TRPM6: variants seen among roughly 807,000 people sequenced by gnomAD.
TRPM6 encodes the protein transient receptor potential cation channel subfamily M member 6, also known as channel kinase 2.
TRPM6 carries 111 observed loss-of-function variants against 247.6 expected under a neutral mutation model. The ratio of observed to expected loss-of-function variants is 0.45; its 90% confidence interval spans 0.38 to 0.52. TRPM6 has a LOEUF of 0.52. Among genes scored for constraint, TRPM6 ranks in the 20% least tolerant of loss-of-function variants. The pLI is 0.00. For missense variants in TRPM6, 2,126 were observed against 2,421.5 expected, an observed-to-expected ratio of 0.88 and a Z score of 2.56; for synonymous variants, 892 against 853.8, an observed-to-expected ratio of 1.04 and a Z score of -0.78.
chr9:74,792,623 C>T lies in TRPM6; in HGVS notation c.2538+1G>A. The T allele has an allele frequency of 6.2e-7, 1 of 1,613,938 alleles. No individual in the cohort carries two copies. The highest frequency in any genetic ancestry group is 8.5e-7 in the Non-Finnish European group (1 of 1,179,894). On this transcript the variant is annotated splice_donor_variant, in intron 19 of 38. Transcript: ENST00000360774. LOFTEE classifies it high-confidence loss of function. ...ACATATATTGTTGCAATGAGACCAA[C>T]CGTATAAAACCAAAACTTGACAATT...
At chr9:74,736,331 G>C (rs1200851732) in intron 36 of TRPM6, among the ~76,000 whole-genome samples, 3 of 152,060 alleles carry the variant, frequency 2.0e-5, no homozygotes, top group Non-Finnish European at 4.4e-5. Flanking sequence ...AACTGCTGCT[G>C]GTGAGCCTCT....
chr9:74,743,451 A>G (rs1825928246), intron 32 of TRPM6, among the ~76,000 whole-genome samples: 1 of 152,216 alleles, frequency 6.6e-6, no homozygotes, highest in Non-Finnish European at 1.5e-5. Flanking sequence ...GAAACCATCC[A>G]ATGGCACAAG....
intron 16 of TRPM6, 49 bp downstream of exon 16, chr9:74,801,849 A>C (rs1291104488): frequency 6.2e-7 from 1 of 1,605,706 alleles, no homozygotes; most frequent in South Asian, 1.1e-5. Flanking sequence ...GTGTCTAACC[A>C]TTCTAAGAAG....
intron 23 of TRPM6, among the ~76,000 whole-genome samples, chr9:74,778,989 G>A (rs1827323593): frequency 6.6e-6 from 1 of 152,166 alleles, no homozygotes; most frequent in African/African-American, 2.4e-5. Flanking sequence ...TTACCTTCCT[G>A]GGGCTAAGAT....
At chr9:74,807,852 G>A (rs978757315) in intron 14 of TRPM6, among the ~76,000 whole-genome samples, 182 bp downstream of exon 14, 4 of 152,004 alleles carry the variant, frequency 2.6e-5, no homozygotes, top group Admixed American at 1.3e-4. Flanking sequence ...TGATCCTTAC[G>A]CATCCCAAGC....
chr9:74,850,371 C>G (rs1337586799), intron 3 of TRPM6, among the ~76,000 whole-genome samples: 1 of 148,280 alleles, frequency 6.7e-6, no homozygotes, highest in Non-Finnish European at 1.5e-5. Context: ...GACTCTGTCT[C>G]AAAAAAAAAG....
At position 74,762,024 on chromosome 9, in the gene TRPM6, T is replaced by C. The variant is rs756450351; in HGVS notation, c.4647A>G (p.Lys1549=). ...SHSFRFHKEE[K]LMKICKIKNL... ...TTTTAATCTTACAGATCTTCATCAA[T>C]TTCTCCTCCTTATGGAATCTAAAAC... The change falls in exon 26 of 39, where the codon AAA becomes AAG. Residue 1549 remains lysine, a synonymous_variant. Coordinates refer to ENST00000360774, the MANE Select transcript of TRPM6 (RefSeq NM_017662.5). 1.9e-6 allele frequency: 3 copies of C among 1,614,166 alleles called. No individual in the cohort carries two copies. The highest frequency in any genetic ancestry group is 1.7e-6 in the Non-Finnish European group (2 of 1,180,006).
chr9:74,806,013 T>C (rs28533485), intron 14 of TRPM6, among the ~76,000 whole-genome samples: 41,364 of 152,056 alleles, frequency 0.27, 6,032 homozygotes, highest in African/African-American at 0.38. Context: ...ATTCATTTTT[T>C]ATGTATGATA....
chr9:74,855,319 T>TAGCCAATTTACATGTCTCAGTAATTCA (rs1830491420), intron 3 of TRPM6, among the ~76,000 whole-genome samples: 1 of 152,206 alleles, frequency 6.6e-6, no homozygotes, highest in African/African-American at 2.4e-5. Flanking sequence ...CGAAGGCCCT[T>TAGCCAATTTACATGTCTCAGTAATTCA]AGCCAATTTA....
At chr9:74,856,274 T>C (rs1294377897) in intron 2 of TRPM6, among the ~76,000 whole-genome samples, 1 of 151,928 alleles carries the variant, frequency 6.6e-6, no homozygotes, top group Non-Finnish European at 1.5e-5. Flanking sequence ...CCTTGACTCT[T>C]ATAAAAATTC....
At chr9:74,728,176 G>A in intron 38 of TRPM6, 63 bp downstream of exon 38, 1 of 1,222,796 alleles carries the variant, frequency 8.2e-7, no homozygotes, top group Non-Finnish European at 1.2e-6. Flanking sequence ...TTTATCCCAG[G>A]TTACAAAGGA....
chr9:74,809,123 G>A (rs182532047), intron 13 of TRPM6, among the ~76,000 whole-genome samples: 3 of 152,216 alleles, frequency 2.0e-5, no homozygotes, highest in East Asian at 1.9e-4. Context: ...GAGATATTGC[G>A]GGTTCAGTTC....
chr9:74,843,814 CA>C (rs542444347), intron 3 of TRPM6, among the ~76,000 whole-genome samples: 12,228 of 62,486 alleles, frequency 0.2, 396 homozygotes, highest in East Asian at 0.27. Flanking sequence ...GACTCCATCT[CA>C]AAAAAAAAAA....
intron 2 of TRPM6, among the ~76,000 whole-genome samples, chr9:74,856,780 C>T (rs2118350561): frequency 6.6e-6 from 1 of 152,158 alleles, no homozygotes; most frequent in South Asian, 2.1e-4. Flanking sequence ...CACCCACTTC[C>T]TGTGCACCAA....
intron 38 of TRPM6, among the ~76,000 whole-genome samples, chr9:74,726,967 A>G (rs1825350923): frequency 6.6e-6 from 1 of 152,130 alleles, no homozygotes; most frequent in Non-Finnish European, 1.5e-5. Flanking sequence ...AGTCCTGGCC[A>G]GTTGTGAGAG....
intron 33 of TRPM6, 80 bp downstream of exon 33, chr9:74,742,481 G>A: frequency 7.5e-7 from 1 of 1,340,492 alleles, no homozygotes; most frequent in Non-Finnish European, 1.1e-6. Flanking sequence ...CTAAAATAAT[G>A]CAATGTGGTT....
At position 74,802,196 on chromosome 9, in the gene TRPM6, A is replaced by G. The variant is rs761926098; in HGVS notation, c.1732-21T>C. On this transcript the variant is annotated intron_variant, in intron 15 of 38. Coordinates refer to ENST00000360774, the MANE Select transcript of TRPM6 (RefSeq NM_017662.5). ...TTTTCCTGTTGGAAAATAAAATAGG[A>G]ATGAGTTTTCAAATACTCAGATGTA... is the stretch of plus-strand genomic sequence containing the variant. 86 of 1,610,072 alleles carry G rather than the reference A, an allele frequency of 5.3e-5. No homozygotes were observed. The Admixed American group carries it at 1.4e-3, about 27-fold the overall frequency.
intron 32 of TRPM6, 127 bp downstream of exon 32, chr9:74,743,968 A>G: frequency 2.2e-6 from 2 of 911,412 alleles, no homozygotes; most frequent in Non-Finnish European, 3.6e-6. Flanking sequence ...TTCCCATCAA[A>G]GTGAACAATA....
In TRPM6 at chr9:74,762,774, T is replaced by G; in HGVS notation, c.3897A>C (p.Ala1299=). ...GRHPPRVQRG[A]LLEITNSKRE... is the part of the protein sequence containing the mutation. ...TTTTACTGTTTGTAATCTCAAGAAG[T>G]GCCCCCCTCTGCACTCTTGGGGGAT... The change falls in exon 26 of 39, where the codon GCA becomes GCC. Residue 1299 remains alanine, a synonymous_variant. Coordinates refer to ENST00000360774, the MANE Select transcript of TRPM6 (RefSeq NM_017662.5). The G allele has an allele frequency of 6.2e-7, 1 of 1,614,136 alleles. No individual in the cohort carries two copies. The highest frequency in any genetic ancestry group is 8.5e-7 in the Non-Finnish European group (1 of 1,180,022).
Sources: gnomAD v4.1 joint callset for allele counts (sites outside exome capture counted in the v4.1 genomes callset) on GRCh38, gnomAD v4.1.1 for gene constraint, MANE v1.5 for transcripts, NCBI Gene and HGNC (gene_info 2026-07-23, HGNC 2026-07-21) for gene names.